The following PCNT variants were observed in gnomAD, a reference collection of about 807,000 sequenced individuals.
PCNT encodes pericentrin.
In PCNT, 319 loss-of-function variants were observed where a neutral mutation model predicts 380.4. That is an observed-to-expected ratio of 0.84 (90% CI 0.77 to 0.92). The LOEUF is 0.92. Among genes scored for constraint, PCNT ranks in the 40% least tolerant of loss-of-function variants. The pLI, the probability that PCNT is intolerant of heterozygous loss-of-function variation, is 0.00. For synonymous variants in PCNT, 1,845 were observed against 1,735.2 expected (o/e 1.06, Z -1.57); for missense variants, 4,400 against 4,255.3 (o/e 1.03, Z -0.95).
rs61735822 is a variant in PCNT, at chr21:46,334,649, A to G, written c.520A>G (p.Ile174Val). Residue 174 changes from isoleucine (I) to valine (V), a missense_variant, in exon 3 of 47, where the codon ATC becomes GTC. By Grantham distance (29) the Ile-to-Val change is conservative (BLOSUM62 3). Transcript: ENST00000359568. ...ACCAGAACAGCGTGGGATGTTCACA[A>G]TCAGTGACCACCAACCGGAACAGCG... ...HPPEQRGMFT[I>V]SDHQPEQRGM... The G allele has an allele frequency of 0.035, 55,625 of 1,568,000 alleles. 1,546 individuals are homozygous for G. The highest frequency in any genetic ancestry group is 0.079 in the Middle Eastern group (467 of 5,910).
chr21:46,380,653 T>C (rs910575015), intron 15 of PCNT, among the ~76,000 whole-genome samples: 1 of 152,130 alleles, frequency 6.6e-6, no homozygotes, highest in African/African-American at 2.4e-5. Context: ...CAGGGCAAAG[T>C]TAAGCACCTG....
intron 15 of PCNT, among the ~76,000 whole-genome samples, chr21:46,372,581 A>G (rs2085188341): frequency 6.6e-6 from 1 of 152,206 alleles, no homozygotes; most frequent in African/African-American, 2.4e-5. Context: ...ATTATGTGCA[A>G]ATTTTAGGTG....
At chr21:46,401,745 G>A (rs1160953681) in intron 26 of PCNT, 24 bp downstream of exon 26, 1 of 1,613,370 alleles carries the variant, frequency 6.2e-7, no homozygotes, top group Non-Finnish European at 8.5e-7. Flanking sequence ...GGGGCCATGG[G>A]ACTGCCAGCC....
At chr21:46,408,682 T>A (rs1601995261) in intron 27 of PCNT, among the ~76,000 whole-genome samples, 1 of 152,112 alleles carries the variant, frequency 6.6e-6, no homozygotes, top group East Asian at 1.9e-4. Flanking sequence ...TTGCCATCCA[T>A]ATTGTGGGGG....
intron 38 of PCNT, 61 bp from the exon 39 acceptor site, chr21:46,435,843 G>A (rs1011191645): frequency 6.2e-7 from 1 of 1,609,118 alleles, no homozygotes; most frequent in Non-Finnish European, 8.5e-7. Context: ...CGCCCGGCCG[G>A]CAGTTTTGTT....
chr21:46,355,170 G>A (rs1183078736), intron 11 of PCNT, among the ~76,000 whole-genome samples: 1 of 152,184 alleles, frequency 6.6e-6, no homozygotes, highest in Non-Finnish European at 1.5e-5. Flanking sequence ...GGAGAGGTCT[G>A]CCCGGTCCAG....
chr21:46,358,532 C>T (rs2084562016), intron 13 of PCNT, among the ~76,000 whole-genome samples: 1 of 152,142 alleles, frequency 6.6e-6, no homozygotes, highest in Non-Finnish European at 1.5e-5. Context: ...GTGCCAATGG[C>T]ACCTGCAGCC....
chr21:46,418,256 T>C lies in PCNT; in HGVS notation c.6974T>C (p.Leu2325Ser). ...ITTSFDSQET[L>S]SSPPPGLEGK... Reference sequence around the variant, plus strand: ...ACATCCTTTGATTCTCAAGAAACATTAAGTTCACCTCCTCCTGGATTAGAA... The same window carrying C: ...ACATCCTTTGATTCTCAAGAAACATCAAGTTCACCTCCTCCTGGATTAGAA... The change falls in exon 31 of 47, where the codon TTA becomes TCA. Residue 2325 changes from leucine (L) to serine (S), a missense_variant. Physicochemically the swap from Leu to Ser is moderately radical, Grantham distance 145 (BLOSUM62 -2). Coordinates refer to ENST00000359568, the MANE Select transcript of PCNT (RefSeq NM_006031.6). 6.2e-7 allele frequency: 1 copy of C among 1,610,124 alleles called. No homozygotes were observed. The highest frequency in any genetic ancestry group is 8.5e-7 in the Non-Finnish European group (1 of 1,176,316).
chr21:46,420,146 G>A (rs1002311348), intron 31 of PCNT, among the ~76,000 whole-genome samples: 5 of 152,060 alleles, frequency 3.3e-5, no homozygotes, highest in African/African-American at 1.2e-4. Context: ...CTGTGCCTGC[G>A]CCCTCCAGTG....
intron 24 of PCNT, among the ~76,000 whole-genome samples, chr21:46,398,825 T>TC (rs1462195244): frequency 3.4e-5 from 5 of 148,600 alleles, no homozygotes; most frequent in African/African-American, 9.9e-5. Flanking sequence ...TTTTTCTTTT[T>TC]TTTTTTTTTT....
At position 46,411,537 on chromosome 21, in the gene PCNT, C is replaced by T; in HGVS notation, c.5464C>T (p.Gln1822Ter). 3 of 1,610,962 alleles carry T rather than the reference C, an allele frequency of 1.9e-6. No homozygotes were observed. Among genetic ancestry groups the T allele is most frequent in the Non-Finnish European group, 2.5e-6 (3 of 1,178,898 alleles). ...CAGCCAGGCCCTGGAGGCCCTGCAG[C>T]AGCGCCTCCAGGGCGCAGAGGAGGC... ...RHSQALEALQ[Q>*]RLQGAEEAAE... The change falls in exon 28 of 47, where the codon CAG becomes TAG. Residue 1822 changes from glutamine to a stop codon, truncating the protein, a stop_gained. Transcript: ENST00000359568. LOFTEE classifies it high-confidence loss of function.
At position 46,366,092 on chromosome 21, in the gene PCNT, A is replaced by G. The variant is rs528925387; in HGVS notation, c.2610-492A>G. 4.1e-5 allele frequency among the ~76,000 whole-genome samples: 6 copies of G among 148,076 alleles called. No homozygotes were observed. In the South Asian group the frequency reaches 1.1e-3, roughly 26 times the overall value. On this transcript the variant is annotated intron_variant, in intron 14 of 46. Transcript: ENST00000359568. ...GTTCTATTCACTGCCATGAGGTTCT[A>G]TTCATTCACTGCCATGGGGTTCAAT...
chr21:46,330,833 C>A (rs2083536376), intron 2 of PCNT, among the ~76,000 whole-genome samples: 1 of 152,286 alleles, frequency 6.6e-6, no homozygotes, highest in African/African-American at 2.4e-5. Flanking sequence ...CAGGGCACTC[C>A]CCTCTCAGAT....
chr21:46,442,683 C>A, intron 44 of PCNT, 110 bp downstream of exon 44: 2 of 772,912 alleles, frequency 2.6e-6, no homozygotes, highest in South Asian at 1.4e-5. Context: ...TAATAAAGCA[C>A]GGTAAGAAAA....
At chr21:46,393,249 G>A (rs2086094733) in intron 21 of PCNT, among the ~76,000 whole-genome samples, 1 of 152,224 alleles carries the variant, frequency 6.6e-6, no homozygotes, top group Non-Finnish European at 1.5e-5. Flanking sequence ...AAGTGGTGCT[G>A]GAGACATGAC....
intron 36 of PCNT, 94 bp from the exon 37 acceptor site, chr21:46,430,413 C>G (rs2087701049): frequency 1.3e-6 from 2 of 1,494,250 alleles, no homozygotes; most frequent in Non-Finnish European, 1.8e-6. Context: ...CGTGTGGGAC[C>G]TGGCAGGGCT....
chr21:46,428,550 GGC>G lies in PCNT; in HGVS notation c.7656_7657del (p.Gly2553GlufsTer12). Reference sequence around the variant, plus strand: ...TGCGCACGGCGCTGACAAGCGCAGAGGCGCGCGGGAGCCAGCAGGAGCACCAG... The same window carrying G: ...TGCGCACGGCGCTGACAAGCGCAGAGGCGCGGGAGCCAGCAGGAGCACCAG... ...HLRTALTSAE[A>X]RGSQQEHQLR... is the part of the protein sequence containing the mutation. On this transcript the variant is annotated frameshift_variant, in exon 35 of 47. Transcript: ENST00000359568. LOFTEE classifies it high-confidence loss of function. 2 of 1,607,500 alleles carry G rather than the reference GGC, an allele frequency of 1.2e-6. No homozygotes were observed. Among genetic ancestry groups the G allele is most frequent in the Non-Finnish European group, 1.7e-6 (2 of 1,179,414 alleles).
At chr21:46,359,480 G>GT (rs1478908165) in intron 13 of PCNT, among the ~76,000 whole-genome samples, 815 of 65,678 alleles carry the variant, frequency 0.012, 147 homozygotes, top group East Asian at 0.038. Context: ...AAATACACCT[G>GT]TTTTTTTTTT....
Position 46,432,148 on chromosome 21 carries a change from C to T in PCNT, c.8684C>T (p.Ala2895Val), listed in dbSNP as rs1277669235. 8.7e-6 allele frequency: 14 copies of T among 1,613,702 alleles called. No individual in the cohort carries two copies. The highest frequency in any genetic ancestry group is 2.2e-5 in the South Asian group (2 of 91,082). Residue 2895 changes from alanine to valine, a missense_variant, in exon 38 of 47, where the codon GCG becomes GTG. Ala to Val is a moderately conservative substitution (Grantham distance 64). Coordinates refer to ENST00000359568, the MANE Select transcript of PCNT (RefSeq NM_006031.6). ...QEGRKAARRS[A>V]EARQSPAAAE... ...GGACGCAAGGCTGCGAGGAGGAGCG[C>T]GGAGGCCAGGCAGAGCCCAGCGGCT...
Sources: gnomAD v4.1 joint callset for allele counts (sites outside exome capture counted in the v4.1 genomes callset) on GRCh38, gnomAD v4.1.1 for gene constraint, MANE v1.5 for transcripts, NCBI Gene and HGNC (gene_info 2026-07-23, HGNC 2026-07-21) for gene names.